The following RNF17 variants were observed in gnomAD, a reference collection of about 807,000 sequenced individuals.
The protein encoded by RNF17 is ring finger protein 17, also known as spermatogenesis associated 23.
RNF17 carries 31 observed loss-of-function variants against 200.5 expected under a neutral mutation model. The ratio of observed to expected loss-of-function variants is 0.15; its 90% CI spans 0.12 to 0.21. The LOEUF (loss-of-function observed/expected upper bound fraction) is 0.21. Ranked by LOEUF, RNF17 falls within the 10% of genes least tolerant of loss-of-function variation. The pLI, the probability that RNF17 is intolerant of heterozygous loss-of-function variation, is 1.00. For synonymous variants in RNF17, 606 were observed against 637.8 expected (o/e 0.95, Z 0.75); for missense variants, 1,628 against 1,905.1 (o/e 0.85, Z 2.71).
intron 12 of RNF17, 123 bp downstream of exon 12, chr13:24,799,707 A>T (rs1173121732): frequency 3.2e-6 from 2 of 625,282 alleles, no homozygotes; most frequent in Non-Finnish European, 5.5e-6. Context: ...CTTCCAAGAC[A>T]TACGTTTTAT....
rs1555269386 is a variant in RNF17, at chr13:24,797,712, G to GTGTC, written c.1399+1420_1399+1421insCTGT. 7.6e-3 allele frequency among the ~76,000 whole-genome samples: 1,134 copies of GTGTC among 148,970 alleles called. 33 individuals carry two copies. Among genetic ancestry groups the GTGTC allele is most frequent in the African/African-American group, 0.026 (1,053 of 40,342 alleles). On this transcript the variant is annotated intron_variant, in intron 11 of 35. Transcript: ENST00000255324. ...AGAGAGAGAGAGACAAAGAGTGTGT[G>GTGTC]TGTGTGTGTGTGTGTGTGTGTGTGT... is the stretch of plus-strand genomic sequence containing the variant.
At chr13:24,870,101 G>A (rs771743877) in intron 31 of RNF17, among the ~76,000 whole-genome samples, 8 of 151,400 alleles carry the variant, frequency 5.3e-5, no homozygotes, top group Non-Finnish European at 1.2e-4. Context: ...GCCACCACAC[G>A]CGGCTAATTT....
At chr13:24,801,916 A>G (rs946020652) in intron 13 of RNF17, among the ~76,000 whole-genome samples, 7 of 152,218 alleles carry the variant, frequency 4.6e-5, no homozygotes, top group African/African-American at 1.7e-4. Context: ...AAGTGAAGGT[A>G]TATGCACGTT....
chr13:24,800,620 C>T (rs1421664605), intron 13 of RNF17, 86 bp downstream of exon 13: 1 of 1,024,958 alleles, frequency 9.8e-7, no homozygotes, highest in Non-Finnish European at 1.4e-6. Flanking sequence ...AGTATAGGCT[C>T]AGGGAACCAG....
intron 18 of RNF17, among the ~76,000 whole-genome samples, chr13:24,837,829 A>G (rs1401191019): frequency 6.6e-6 from 1 of 152,214 alleles, no homozygotes; most frequent in East Asian, 1.9e-4. Context: ...GAAATAACCA[A>G]GATGAGAGCA....
intron 1 of RNF17, among the ~76,000 whole-genome samples, chr13:24,765,232 G>C (rs1879484955): frequency 6.6e-6 from 1 of 152,018 alleles, no homozygotes; most frequent in Non-Finnish European, 1.5e-5. Context: ...AGCCAGGATG[G>C]TCTCGATCTC....
intron 9 of RNF17, among the ~76,000 whole-genome samples, chr13:24,790,151 T>TGATCA (rs1883666710): frequency 6.6e-6 from 1 of 152,180 alleles, no homozygotes; most frequent in South Asian, 2.1e-4. Flanking sequence ...AGCAAGGGAA[T>TGATCA]GATCAGTTCT....
chr13:24,841,393 C>G (rs1231625283), intron 18 of RNF17, among the ~76,000 whole-genome samples: 1 of 152,174 alleles, frequency 6.6e-6, no homozygotes, highest in African/African-American at 2.4e-5. Context: ...CCTCCTGGAA[C>G]TTGGTTGAGT....
chr13:24,816,258 G>GTGTA (rs1422804229), intron 15 of RNF17, among the ~76,000 whole-genome samples: 1 of 152,050 alleles, frequency 6.6e-6, no homozygotes. Flanking sequence ...CTAGATAAAG[G>GTGTA]TGTATAATCT....
chr13:24,839,164 A>G (rs1416940661), intron 18 of RNF17, among the ~76,000 whole-genome samples: 1 of 152,208 alleles, frequency 6.6e-6, no homozygotes, highest in East Asian at 1.9e-4. Flanking sequence ...GCTGAAAGAA[A>G]TCATAGAGGA....
chr13:24,837,307 A>G (rs1477576178), intron 18 of RNF17, among the ~76,000 whole-genome samples: 5 of 152,208 alleles, frequency 3.3e-5, no homozygotes, highest in African/African-American at 9.7e-5. Context: ...TGACATTACT[A>G]GACAGGTCAT....
downstream of RNF17, chr13:24,883,052 AC>A (rs1953906032): frequency 1.1e-5 from 9 of 855,670 alleles, no homozygotes; most frequent in South Asian, 1.3e-4. Flanking sequence ...CACAGGGTAA[AC>A]TTTTATTTTA....
At chr13:24,878,926 CTG>C (rs1895144660) in intron 34 of RNF17, among the ~76,000 whole-genome samples, 1 of 152,090 alleles carries the variant, frequency 6.6e-6, no homozygotes, top group Non-Finnish European at 1.5e-5. Flanking sequence ...TGCAAATGAA[CTG>C]TAACAAGGGA....
chr13:24,883,496 T>C, downstream of RNF17: 1 of 684,676 alleles, frequency 1.5e-6, no homozygotes. Context: ...TGGTTATCCC[T>C]ATACAATTGT....
At chr13:24,858,237 C>T (rs114514255) in intron 25 of RNF17, among the ~76,000 whole-genome samples, 138 of 151,876 alleles carry the variant, frequency 9.1e-4, no homozygotes, top group African/African-American at 3.1e-3. Context: ...TACAATTGGC[C>T]GTTCTAGAAA....
At position 24,845,083 on chromosome 13, in the gene RNF17, GT is replaced by G; in HGVS notation, c.3101+9del. On this transcript the variant is annotated splice_donor_5th_base_variant and intron_variant, in intron 22 of 35. Transcript: ENST00000255324. ...AATGTTCTCTGGTTGACATAAGGTA[GT>G]TTTTAGCTGAGTAATTTTCTCATTA... 7.8e-7 allele frequency: 1 copy of G among 1,278,502 alleles called. No homozygotes were observed. Among genetic ancestry groups the G allele is most frequent in the Admixed American group, 1.9e-5 (1 of 52,146 alleles). 79.2% of individuals were successfully genotyped at this position (1,278,502 alleles called of 1,614,324 possible). A position where few individuals can be genotyped will look rare whatever the true frequency, so the allele number is the denominator to read the frequency against.
At chr13:24,845,642 A>G (rs1435507033) in intron 22 of RNF17, among the ~76,000 whole-genome samples, 4 of 152,326 alleles carry the variant, frequency 2.6e-5, no homozygotes, top group Non-Finnish European at 1.5e-5. Flanking sequence ...GGATTCCAAC[A>G]GCTTTGAGAA....
intron 32 of RNF17, among the ~76,000 whole-genome samples, chr13:24,871,771 T>C (rs1315875732): frequency 1.3e-5 from 2 of 151,600 alleles, no homozygotes; most frequent in Non-Finnish European, 2.9e-5. Context: ...TAGCTGTGAT[T>C]ATAGGCACGC....
chr13:24,784,403 A>C (rs1217853160), intron 6 of RNF17, among the ~76,000 whole-genome samples: 1 of 152,174 alleles, frequency 6.6e-6, no homozygotes. Flanking sequence ...ATTTTGGAAG[A>C]GTTTGAGGAG....
Sources: gnomAD v4.1 joint callset for allele counts (sites outside exome capture counted in the v4.1 genomes callset) on GRCh38, gnomAD v4.1.1 for gene constraint, MANE v1.5 for transcripts, NCBI Gene and HGNC (gene_info 2026-07-23, HGNC 2026-07-21) for gene names.